The following MARS1 variants were observed in gnomAD, a reference collection of about 807,000 sequenced individuals.
MARS1 encodes methionine--tRNA ligase, cytoplasmic.
Under a neutral mutation model 119.5 loss-of-function variants are expected in MARS1, and 80 were observed. The ratio of observed to expected loss-of-function variants is 0.67; its 90% CI spans 0.56 to 0.81. The LOEUF is 0.81. Ranked by LOEUF, MARS1 falls within the 30% of genes least tolerant of loss-of-function variation. The pLI, the probability that MARS1 is intolerant of heterozygous loss-of-function variation, is 0.00. For missense variants in MARS1, 945 were observed against 1,116.5 expected, an observed-to-expected ratio of 0.85 and a Z score of 2.19; for synonymous variants, 418 against 433.4, an observed-to-expected ratio of 0.96 and a Z score of 0.44.
intron 4 of MARS1, 63 bp downstream of exon 4, chr12:57,489,621 C>T: frequency 6.2e-7 from 1 of 1,604,178 alleles, no homozygotes; most frequent in Non-Finnish European, 8.5e-7. Context: ...AGAGGGAAGA[C>T]TGTATTCAGA....
Position 57,515,316 on chromosome 12 carries a change from G to C in MARS1, c.2371G>C (p.Ala791Pro), listed in dbSNP as rs541694659. The C allele has an allele frequency of 1.2e-6, 2 of 1,613,186 alleles. No individual in the cohort carries two copies. The highest frequency in any genetic ancestry group is 1.1e-5 in the South Asian group (1 of 91,080). The change falls in exon 18 of 21, where the codon GCA becomes CCA. Residue 791 changes from alanine to proline, a missense_variant. Coordinates refer to ENST00000262027, the MANE Select transcript of MARS1 (RefSeq NM_004990.4). ...LLTNFLCTLP[A>P]GHQIGTVSPL... Reference sequence around the variant, plus strand: ...GACAAACTTCCTGTGTACCTTACCAGCAGGACACCAGATTGGCACAGTAGG... The same window carrying C: ...GACAAACTTCCTGTGTACCTTACCACCAGGACACCAGATTGGCACAGTAGG...
At chr12:57,489,198 CCT>C in intron 2 of MARS1, 67 bp from the exon 3 acceptor site, 1 of 1,599,684 alleles carries the variant, frequency 6.3e-7, no homozygotes, top group Admixed American at 1.7e-5. Context: ...CCATTGTTTC[CCT>C]GTGTGATGAG....
chr12:57,507,471 G>A (rs1442861855), intron 11 of MARS1, among the ~76,000 whole-genome samples: 1 of 53,872 alleles, frequency 1.9e-5, no homozygotes, highest in East Asian at 5.0e-4. Context: ...GCGGCTGGCC[G>A]GGCGGGGGGC....
Position 57,512,805 on chromosome 12 carries a change from T to C in MARS1, c.1808T>C (p.Phe603Ser). ...TCTAAGAGCCGCGGTGTGGGAGTGT[T>C]TGGGGACATGGCCCAGGACACGGGG... ...KFSKSRGVGV[F>S]GDMAQDTGIP... is the part of the protein sequence containing the mutation. The change falls in exon 15 of 21, where the codon TTT becomes TCT. Residue 603 changes from phenylalanine (F) to serine (S), a missense_variant. Physicochemically the swap from Phe to Ser is radical, Grantham distance 155. Transcript: ENST00000262027. The C allele has an allele frequency of 6.2e-7, 1 of 1,614,204 alleles. No individual in the cohort carries two copies. Among genetic ancestry groups the C allele is most frequent in the Non-Finnish European group, 8.5e-7 (1 of 1,180,028 alleles).
chr12:57,504,831 A>G (rs1290807757), intron 11 of MARS1, among the ~76,000 whole-genome samples: 2 of 150,926 alleles, frequency 1.3e-5, no homozygotes, highest in African/African-American at 2.4e-5. Flanking sequence ...AGCCTCCAGA[A>G]TAGCTGGGAT....
At position 57,507,005 on chromosome 12, in the gene MARS1, G is replaced by T. The variant is rs1417080190; in HGVS notation, c.1368+2706G>T. On this transcript the variant is annotated intron_variant, in intron 11 of 20. Coordinates refer to ENST00000262027, the MANE Select transcript of MARS1 (RefSeq NM_004990.4). The stretch of plus-strand genomic sequence containing the variant: ...TAGGCAGAGGACCCTGCGGCCTTCC[G>T]CAGTGTTTGTGTCCCTGGGTACTTG... Among the ~76,000 whole-genome samples the T allele has an allele frequency of 2.7e-5, 4 of 150,364 alleles. No homozygotes were observed. In the South Asian group the frequency reaches 6.4e-4, roughly 24 times the overall value.
At chr12:57,504,750 C>T (rs1179969627) in intron 11 of MARS1, among the ~76,000 whole-genome samples, 2 of 133,530 alleles carry the variant, frequency 1.5e-5, no homozygotes, top group African/African-American at 5.7e-5. Flanking sequence ...GTCGCCCAGG[C>T]TGGTGTGCAA....
intron 10 of MARS1, chr12:57,504,018 C>T: frequency 1.7e-6 from 1 of 581,812 alleles, no homozygotes; most frequent in Non-Finnish European, 3.1e-6. Context: ...GGACAGAGAT[C>T]TGAAACTCTG....
chr12:57,497,640 T>C (rs1594818491), intron 7 of MARS1, among the ~76,000 whole-genome samples: 1 of 152,038 alleles, frequency 6.6e-6, no homozygotes, highest in East Asian at 1.9e-4. Flanking sequence ...AGTTAGGCCA[T>C]GAGGAAGTGA....
intron 1 of MARS1, 191 bp from the exon 2 acceptor site, chr12:57,488,828 T>C: frequency 1.3e-6 from 1 of 780,058 alleles, no homozygotes; most frequent in South Asian, 1.8e-5. Flanking sequence ...CAGTTTCAGC[T>C]GAACACCTGC....
chr12:57,493,900 T>A (rs1215225616), intron 7 of MARS1, among the ~76,000 whole-genome samples: 1 of 59,946 alleles, frequency 1.7e-5, no homozygotes, highest in Non-Finnish European at 2.9e-5. Flanking sequence ...ATATTTATGT[T>A]ATATAATATA....
At chr12:57,515,361 T>C in intron 18 of MARS1, 25 bp downstream of exon 18, 1 of 1,604,860 alleles carries the variant, frequency 6.2e-7, no homozygotes, top group Non-Finnish European at 8.5e-7. Flanking sequence ...CAGCCTCTCT[T>C]AAAATTGATA....
In MARS1 at chr12:57,516,468, G is replaced by A. The variant is rs1359283860; in HGVS notation, c.2590G>A (p.Ala864Thr). The A allele has an allele frequency of 2.5e-6, 4 of 1,613,570 alleles. No homozygotes were observed. Among genetic ancestry groups the A allele is most frequent in the Non-Finnish European group, 3.4e-6 (4 of 1,179,922 alleles). ...TGTCCGAGAACTGAAAGCACAAAAG[G>A]CAGACAAGAACGAGGTTGCTGCGGA... The part of the protein sequence containing the change: ...NIVRELKAQK[A>T]DKNEVAAEVA... The change falls in exon 21 of 21, where the codon GCA becomes ACA. Residue 864 changes from alanine (A) to threonine (T), a missense_variant. Ala to Thr is a moderately conservative substitution (Grantham distance 58, BLOSUM62 0). Transcript: ENST00000262027.
Position 57,498,478 on chromosome 12 carries a change from A to G in MARS1, c.946A>G (p.Thr316Ala). 6.2e-7 allele frequency: 1 copy of G among 1,614,214 alleles called. No homozygotes were observed. The highest frequency in any genetic ancestry group is 8.5e-7 in the Non-Finnish European group (1 of 1,180,036). ...TCTGTGTGGGACAGATGAGTATGGT[A>G]CAGCAACAGAGACCAAGGCTCTGGA... ...LYLCGTDEYG[T>A]ATETKALEEG... Residue 316 changes from threonine to alanine, a missense_variant, in exon 9 of 21, where the codon ACA becomes GCA. By Grantham distance (58) the Thr-to-Ala change is moderately conservative. Coordinates refer to ENST00000262027, the MANE Select transcript of MARS1 (RefSeq NM_004990.4).
intron 11 of MARS1, 115 bp from the exon 12 acceptor site, chr12:57,511,583 C>A (rs1877516253): frequency 1.9e-6 from 2 of 1,054,956 alleles, no homozygotes; most frequent in South Asian, 1.5e-5. Flanking sequence ...ACTCTGTCTC[C>A]AAAAAAAAAG....
In MARS1 at chr12:57,489,626, T is replaced by C. The variant is rs1875771845; in HGVS notation, c.414+68T>C. On this transcript the variant is annotated intron_variant, in intron 4 of 20. Transcript: ENST00000262027. Reference sequence around the variant, plus strand: ...GTAAGGATTAAGAGGGAAGACTGTATTCAGAGTGTTCGAACCCAACACTGC... The same window carrying C: ...GTAAGGATTAAGAGGGAAGACTGTACTCAGAGTGTTCGAACCCAACACTGC... 5 of 1,595,898 alleles carry C rather than the reference T, an allele frequency of 3.1e-6. No individual in the cohort carries two copies. In the Admixed American group the frequency reaches 8.5e-5, roughly 27 times the overall value.
chr12:57,508,678 G>T (rs367619137), intron 11 of MARS1, among the ~76,000 whole-genome samples: 5 of 145,346 alleles, frequency 3.4e-5, no homozygotes, highest in Non-Finnish European at 6.0e-5. Flanking sequence ...AGACCGTGGG[G>T]AGAGGTAGAG....
intron 10 of MARS1, among the ~76,000 whole-genome samples, chr12:57,501,166 A>T (rs1034188695): frequency 1.3e-5 from 2 of 152,244 alleles, no homozygotes; most frequent in African/African-American, 4.8e-5. Flanking sequence ...AGGACTAGGA[A>T]ATGCAAAGGC....
At chr12:57,512,145 G>C (rs369496227) in intron 13 of MARS1, 42 bp downstream of exon 13, 1 of 1,604,154 alleles carries the variant, frequency 6.2e-7, no homozygotes, top group South Asian at 1.1e-5. Context: ...GAGGGTAGGC[G>C]GTAGGGTGTG....
Sources: allele counts gnomAD v4.1 joint callset (sites outside exome capture counted in the v4.1 genomes callset), GRCh38; gene constraint gnomAD v4.1.1; transcripts MANE v1.5; gene names NCBI Gene and HGNC (gene_info 2026-07-23, HGNC 2026-07-21).